The following PTPRB variants were observed in gnomAD, a reference collection of about 807,000 sequenced individuals.
PTPRB encodes the protein protein tyrosine phosphatase receptor type B, also known as receptor-type tyrosine-protein phosphatase beta.
PTPRB carries 97 observed loss-of-function variants against 238.1 expected under a neutral mutation model. The observed-to-expected ratio is 0.41, with a 90% CI of 0.35 to 0.48. The LOEUF (loss-of-function observed/expected upper bound fraction) is 0.48. Ranked by LOEUF, PTPRB falls within the 20% of genes least tolerant of loss-of-function variation. The pLI, the probability that PTPRB is intolerant of heterozygous loss-of-function variation, is 0.30. For missense variants in PTPRB, 2,292 were observed against 2,681.9 expected (o/e 0.85, Z 3.21); for synonymous variants, 970 against 995.4 (o/e 0.97, Z 0.48).
chr12:70,559,700 C>T (rs1878213063), intron 17 of PTPRB, 76 bp from the exon 18 acceptor site: 9 of 1,324,104 alleles, frequency 6.8e-6, no homozygotes, highest in Non-Finnish European at 9.5e-6. Flanking sequence ...AGCTGAGCAA[C>T]ATCAGACACA....
At chr12:70,632,954 A>C (rs1387470306) in intron 2 of PTPRB, among the ~76,000 whole-genome samples, 1 of 152,230 alleles carries the variant, frequency 6.6e-6, no homozygotes, top group Non-Finnish European at 1.5e-5. Context: ...TCTGGCACAT[A>C]GTAGGTGTTA....
chr12:70,636,324 A>G, intron 1 of PTPRB, among the ~76,000 whole-genome samples: 1 of 151,904 alleles, frequency 6.6e-6, no homozygotes, highest in East Asian at 1.9e-4. Context: ...TTTAGGGGAA[A>G]AAAGCACACC....
chr12:70,619,544 G>A (rs866617847), intron 3 of PTPRB, among the ~76,000 whole-genome samples: 1 of 152,108 alleles, frequency 6.6e-6, no homozygotes, highest in Non-Finnish European at 1.5e-5. Context: ...GCCTCAAAAG[G>A]CTTGTAGCTT....
At chr12:70,601,689 G>A (rs1168180291) in intron 4 of PTPRB, among the ~76,000 whole-genome samples, 7 of 151,954 alleles carry the variant, frequency 4.6e-5, no homozygotes, top group African/African-American at 1.7e-4. Context: ...TTTGGTGCAG[G>A]TTTTTGAAAA....
rs117519492 is a variant in PTPRB, at chr12:70,523,243, C to G, written c.6625+1228G>C. Reference sequence around the variant, plus strand: ...AATTACAGCTCACTGTAGCCTTCAACTCCTGGGCTCAAGTGATTCTCCTGC... The same window carrying G: ...AATTACAGCTCACTGTAGCCTTCAAGTCCTGGGCTCAAGTGATTCTCCTGC... On this transcript the variant is annotated intron_variant, in intron 33 of 33. Coordinates refer to ENST00000334414, the MANE Select transcript of PTPRB (RefSeq NM_001109754.4). 3.3e-5 allele frequency among the ~76,000 whole-genome samples: 5 copies of G among 152,228 alleles called. No homozygotes were observed. In the East Asian group the frequency reaches 9.7e-4, roughly 30 times the overall value.
intron 2 of PTPRB, among the ~76,000 whole-genome samples, chr12:70,624,433 C>A (rs1290706176): frequency 6.6e-6 from 1 of 151,986 alleles, no homozygotes; most frequent in Non-Finnish European, 1.5e-5. Context: ...CCTTTGTGCC[C>A]AGGTTAGCCA....
chr12:70,603,123 C>T (rs532614394), intron 4 of PTPRB, among the ~76,000 whole-genome samples: 47 of 152,024 alleles, frequency 3.1e-4, no homozygotes, highest in African/African-American at 1.1e-3. Flanking sequence ...CCATGCCTAC[C>T]AACAGAAGTC....
chr12:70,563,632 T>A (rs1878806326), intron 15 of PTPRB, among the ~76,000 whole-genome samples: 1 of 152,192 alleles, frequency 6.6e-6, no homozygotes, highest in Non-Finnish European at 1.5e-5. Context: ...TCTTTTTATG[T>A]CCAGCTCACT....
chr12:70,634,066 T>C (rs1370647204), intron 2 of PTPRB, among the ~76,000 whole-genome samples: 1 of 152,198 alleles, frequency 6.6e-6, no homozygotes, highest in Non-Finnish European at 1.5e-5. Flanking sequence ...TTTTTTCTCA[T>C]AGGCAGAAAT....
chr12:70,593,163 A>T (rs1399455466), intron 6 of PTPRB, among the ~76,000 whole-genome samples: 1 of 152,210 alleles, frequency 6.6e-6, no homozygotes. Flanking sequence ...ATGATTAAAA[A>T]GGAGATACCC....
At chr12:70,587,988 C>T (rs1362468930) in intron 8 of PTPRB, among the ~76,000 whole-genome samples, 1 of 148,992 alleles carries the variant, frequency 6.7e-6, no homozygotes, top group Non-Finnish European at 1.5e-5. Flanking sequence ...GTAGTCTCAG[C>T]GGGAGGCTGA....
At chr12:70,625,073 C>G (rs11178336) in intron 2 of PTPRB, among the ~76,000 whole-genome samples, 8,771 of 152,122 alleles carry the variant, frequency 0.058, 665 homozygotes, top group African/African-American at 0.18. Flanking sequence ...TTAAAGCATC[C>G]CATACCAAGC....
chr12:70,556,830 A>G (rs971066368), intron 18 of PTPRB, among the ~76,000 whole-genome samples: 18 of 152,250 alleles, frequency 1.2e-4, no homozygotes, highest in Non-Finnish European at 8.8e-5. Flanking sequence ...CTCTGAAGCC[A>G]TGCAAACAAA....
At chr12:70,542,256 T>A (rs754116396) in intron 22 of PTPRB, 2 of 152,222 alleles carry the variant, frequency 1.3e-5, no homozygotes, top group Non-Finnish European at 2.9e-5. Context: ...TTTGGAGACA[T>A]GTCTATTCAG....
intron 9 of PTPRB, among the ~76,000 whole-genome samples, chr12:70,583,704 A>G (rs1298730904): frequency 1.3e-5 from 2 of 152,162 alleles, no homozygotes; most frequent in Non-Finnish European, 2.9e-5. Context: ...ACCTGAATTT[A>G]TAAAACCCAG....
intron 2 of PTPRB, among the ~76,000 whole-genome samples, chr12:70,628,654 CT>C (rs1231693784): frequency 6.6e-6 from 1 of 152,118 alleles, no homozygotes; most frequent in South Asian, 2.1e-4. Flanking sequence ...ATTCATAAAA[CT>C]TCAATAACTG....
At chr12:70,575,710 T>C (rs1290600506) in intron 11 of PTPRB, among the ~76,000 whole-genome samples, 1 of 152,218 alleles carries the variant, frequency 6.6e-6, no homozygotes, top group Non-Finnish European at 1.5e-5. Flanking sequence ...TAAGCAGAAA[T>C]CTCAGGTATA....
intron 11 of PTPRB, among the ~76,000 whole-genome samples, chr12:70,575,029 A>G (rs1350749386): frequency 6.6e-6 from 1 of 152,190 alleles, no homozygotes; most frequent in Non-Finnish European, 1.5e-5. Flanking sequence ...CCCTGACATA[A>G]GACTGCTTTG....
At chr12:70,558,388 A>G (rs1478440062) in intron 18 of PTPRB, among the ~76,000 whole-genome samples, 1 of 152,208 alleles carries the variant, frequency 6.6e-6, no homozygotes. Flanking sequence ...AAAAAATAAA[A>G]CAACTACTTG....
Sources: gnomAD v4.1 joint callset for allele counts (sites outside exome capture counted in the v4.1 genomes callset) on GRCh38, gnomAD v4.1.1 for gene constraint, MANE v1.5 for transcripts, NCBI Gene and HGNC (gene_info 2026-07-23, HGNC 2026-07-21) for gene names.